The following DST variants were observed in gnomAD, a reference collection of about 807,000 sequenced individuals.
The protein encoded by DST is bullous pemphigoid antigen.
A neutral mutation model predicts 875.2 loss-of-function variants in DST; 253 were observed. The ratio of observed to expected loss-of-function variants is 0.29; its 90% CI spans 0.26 to 0.32. The LOEUF is 0.32. Among genes scored for constraint, DST ranks in the 10% least tolerant of loss-of-function variants. The pLI, the probability that DST is intolerant of heterozygous loss-of-function variation, is 1.00. For missense variants in DST, 8,287 were observed against 9,111.6 expected, an observed-to-expected ratio of 0.91 and a Z score of 3.68; for synonymous variants, 3,124 against 3,197.1, an observed-to-expected ratio of 0.98 and a Z score of 0.77.
At chr6:56,574,031 C>G (rs1341673399) in intron 50 of DST, 144 bp from the exon 51 acceptor site, 3 of 555,164 alleles carry the variant, frequency 5.4e-6, no homozygotes, top group Middle Eastern at 3.6e-4. Flanking sequence ...AATGCATAAT[C>G]AGAACACCAC....
intron 48 of DST, among the ~76,000 whole-genome samples, chr6:56,592,825 G>T (rs1485387672): frequency 6.6e-6 from 1 of 151,894 alleles, no homozygotes; most frequent in African/African-American, 2.4e-5. Context: ...AATCATTTAT[G>T]CAACTTGGCA....
chr6:56,920,729 T>C (rs1455537861), intron 2 of DST, among the ~76,000 whole-genome samples: 3 of 128,900 alleles, frequency 2.3e-5, no homozygotes, highest in Non-Finnish European at 4.7e-5. Flanking sequence ...CTTTCTTCCT[T>C]TTTTTTTTTT....
At position 56,603,113 on chromosome 6, in the gene DST, G is replaced by A. The variant is rs1406199344; in HGVS notation, c.11158-82C>T. 17 of 1,528,062 alleles carry A rather than the reference G, an allele frequency of 1.1e-5. No individual in the cohort carries two copies. The East Asian group carries it at 3.4e-4, about 31-fold the overall frequency. 94.7% of individuals were successfully genotyped at this position (1,528,062 alleles called of 1,614,324 possible). A position where few individuals can be genotyped will look rare whatever the true frequency, so the allele number is the denominator to read the frequency against. ...AATAATGACTGTGGTTTAAGAGTTAGCACTCTAAAACTAAAATACTCCAGC... is the reference window on the plus strand; with the variant it reads ...AATAATGACTGTGGTTTAAGAGTTAACACTCTAAAACTAAAATACTCCAGC... On this transcript the variant is annotated intron_variant, in intron 42 of 103. Transcript: ENST00000680361.
In DST at chr6:56,572,164, C is replaced by T. The variant is rs747784944; in HGVS notation, c.13657G>A (p.Val4553Ile). The change falls in exon 53 of 104, where the codon GTC (valine) becomes ATC (isoleucine). Residue 4553 changes from valine (V) to isoleucine (I), a missense_variant. Coordinates refer to ENST00000680361, the MANE Select transcript of DST (RefSeq NM_001374736.1). The stretch of plus-strand genomic sequence containing the variant: ...GACAAATTATTTGTTTTTTCAAGGA[C>T]CAAAGCCTTATCACTTGGTAAGCCA... The part of the protein sequence containing the change: ...SHGLPSDKAL[V>I]LEKTNNLSKK... 1.9e-6 allele frequency: 3 copies of T among 1,547,990 alleles called. No individual in the cohort carries two copies. Among genetic ancestry groups the T allele is most frequent in the Non-Finnish European group, 2.6e-6 (3 of 1,145,954 alleles).
chr6:56,911,485 A>G (rs1798804074), intron 2 of DST, among the ~76,000 whole-genome samples: 1 of 152,198 alleles, frequency 6.6e-6, no homozygotes, highest in East Asian at 1.9e-4. Context: ...GGCAAAAGGA[A>G]AAGAAGCAGC....
rs1476392770 is a variant in DST at position 56,459,257 on chromosome 6, C to A, written c.23205G>T (p.Lys7735Asn). 2.5e-6 allele frequency: 4 copies of A among 1,612,082 alleles called. No homozygotes were observed. The highest frequency in any genetic ancestry group is 3.4e-6 in the Non-Finnish European group (4 of 1,178,956). The stretch of plus-strand genomic sequence containing the variant: ...CTCGACTTCCTGGTCGGCTGGGAGT[C>A]TTCTTGGAATCTGAGGAAAGAAGGT... ...RVRTQFADSKKTPSRPGSRAG... is the reference protein window; with the variant it reads ...RVRTQFADSKNTPSRPGSRAG... The change falls in exon 104 of 104, where the codon AAG becomes AAT. Residue 7735 changes from lysine (K) to asparagine (N), a missense_variant. By Grantham distance (94) the Lys-to-Asn change is moderately conservative. Coordinates refer to ENST00000680361, the MANE Select transcript of DST (RefSeq NM_001374736.1).
intron 10 of DST, among the ~76,000 whole-genome samples, chr6:56,667,830 C>T (rs555714295): frequency 7.4e-4 from 104 of 139,710 alleles, no homozygotes; most frequent in South Asian, 4.1e-3. Context: ...TATATATATA[C>T]ACACACACAC....
At chr6:56,942,474 CT>C (rs562288565) in intron 2 of DST, among the ~76,000 whole-genome samples, 1 of 151,766 alleles carries the variant, frequency 6.6e-6, no homozygotes, top group Non-Finnish European at 1.5e-5. Flanking sequence ...CTTGGGTTTC[CT>C]TTTTTTAATT....
intron 2 of DST, among the ~76,000 whole-genome samples, chr6:56,933,572 G>A (rs1175483624): frequency 6.6e-6 from 1 of 152,046 alleles, no homozygotes; most frequent in Non-Finnish European, 1.5e-5. Flanking sequence ...GAAGACTAAG[G>A]GAAGAATGTG....
rs1165472592 is a variant in DST, at chr6:56,721,759, T to A, written c.687+13469A>T. 2.0e-5 allele frequency among the ~76,000 whole-genome samples: 3 copies of A among 152,312 alleles called. No individual in the cohort carries two copies. The East Asian group carries it at 5.8e-4, about 29-fold the overall frequency. Reference sequence around the variant, plus strand: ...TCATAGAACCACAGCTGGATTTACATACAGGAAAGGAAAGCCACCTTCATA... The same window carrying A: ...TCATAGAACCACAGCTGGATTTACAAACAGGAAAGGAAAGCCACCTTCATA... On this transcript the variant is annotated intron_variant, in intron 5 of 103. Coordinates refer to ENST00000680361, the MANE Select transcript of DST (RefSeq NM_001374736.1).
chr6:56,874,387 C>T (rs1323908280), intron 3 of DST, among the ~76,000 whole-genome samples: 1 of 152,144 alleles, frequency 6.6e-6, no homozygotes, highest in Non-Finnish European at 1.5e-5. Context: ...ATTAAATAAA[C>T]AACTGAAAGT....
intron 93 of DST, among the ~76,000 whole-genome samples, chr6:56,473,287 A>G (rs2094989645): frequency 6.6e-6 from 1 of 152,256 alleles, no homozygotes. Context: ...TTAAAAAATT[A>G]AGTAATACGC....
chr6:56,535,233 A>G lies in DST; in HGVS notation c.16830T>C (p.Asp5610=). 6.2e-7 allele frequency: 1 copy of G among 1,612,772 alleles called. No homozygotes were observed. Among genetic ancestry groups the G allele is most frequent in the Non-Finnish European group, 8.5e-7 (1 of 1,179,442 alleles). Residue 5610 remains aspartate, a synonymous_variant, in exon 63 of 104, where the codon GAT becomes GAC. Coordinates refer to ENST00000680361, the MANE Select transcript of DST (RefSeq NM_001374736.1). The part of the protein sequence containing the change: ...EALLHCGRFQ[D]ALESLLSWMV... ...TCCAGCTGAGCAGGGACTCCAGGGC[A>G]TCCTGGAACCTCCCACAGTGCAGCA...
In DST at chr6:56,516,198, G is replaced by GGAGAAA. The variant is rs1294259206; in HGVS notation, c.18358-536_18358-531dup. The stretch of plus-strand genomic sequence containing the variant: ...GAAAGAAAGAGAAAGAGAAAGAGAA[G>GGAGAAA]GAGAAAGAGAAAGAGGAATCAAAGC... On this transcript the variant is annotated intron_variant, in intron 71 of 103. Coordinates refer to ENST00000680361, the MANE Select transcript of DST (RefSeq NM_001374736.1). Among the ~76,000 whole-genome samples the GGAGAAA allele has an allele frequency of 5.5e-5, 5 of 90,614 alleles. No individual in the cohort carries two copies. In the East Asian group the frequency reaches 6.7e-4, roughly 12 times the overall value. 59.4% of individuals were successfully genotyped at this position (90,614 alleles called of 152,430 possible).
chr6:56,943,933 A>G (rs1419191750), intron 2 of DST, among the ~76,000 whole-genome samples: 1 of 151,800 alleles, frequency 6.6e-6, no homozygotes, highest in Non-Finnish European at 1.5e-5. Flanking sequence ...CCTGGCCAAC[A>G]TGGTGAAATC....
chr6:56,706,420 A>G (rs1327848913), intron 5 of DST, among the ~76,000 whole-genome samples: 1 of 152,226 alleles, frequency 6.6e-6, no homozygotes, highest in African/African-American at 2.4e-5. Flanking sequence ...ATACCATGAA[A>G]TGACAACTCT....
In DST at chr6:56,679,678, G is replaced by A. The variant is rs115960738; in HGVS notation, c.1048-8871C>T. ...CCAAGCTTCCTCGGGCCCCTGAGGT[G>A]GGAGGATCACCTGGGCCCAGGAGGT... On this transcript the variant is annotated intron_variant, in intron 9 of 103. Transcript: ENST00000680361. Among the ~76,000 whole-genome samples the A allele has an allele frequency of 6.3e-3, 957 of 151,736 alleles. 13 individuals carry two copies. Among genetic ancestry groups the A allele is most frequent in the African/African-American group, 0.022 (926 of 41,298 alleles).
intron 69 of DST, among the ~76,000 whole-genome samples, chr6:56,521,674 T>C (rs994612756): frequency 6.7e-6 from 1 of 150,044 alleles, no homozygotes; most frequent in South Asian, 2.1e-4. Context: ...CTTTTAAAAT[T>C]AAATTATCAA....
At chr6:56,594,736 T>C (rs1015399130) in intron 47 of DST, among the ~76,000 whole-genome samples, 1 of 152,162 alleles carries the variant, frequency 6.6e-6, no homozygotes, top group Non-Finnish European at 1.5e-5. Flanking sequence ...GAAGCAGATA[T>C]AATAAAAGAG....
Sources: gnomAD v4.1 joint callset for allele counts (sites outside exome capture counted in the v4.1 genomes callset) on GRCh38, gnomAD v4.1.1 for gene constraint, MANE v1.5 for transcripts, NCBI Gene and HGNC (gene_info 2026-07-23, HGNC 2026-07-21) for gene names.